The following TASP1 variants were observed in gnomAD, a reference collection of about 807,000 sequenced individuals.
TASP1 encodes taspase 1.
A neutral mutation model predicts 56.6 loss-of-function variants in TASP1; 16 were observed. The ratio of observed to expected loss-of-function variants is 0.28; its 90% CI spans 0.19 to 0.43. The LOEUF is 0.43. Among genes scored for constraint, TASP1 ranks in the 20% least tolerant of loss-of-function variants. TASP1 has a pLI of 1.00. For synonymous variants in TASP1, 179 were observed against 184.2 expected (o/e 0.97, Z 0.23); for missense variants, 393 against 511.6 (o/e 0.77, Z 2.24).
the TASP1 span, among the ~76,000 whole-genome samples, chr20:13,143,071 A>G: frequency 6.6e-6 from 1 of 152,222 alleles, no homozygotes; most frequent in Non-Finnish European, 1.5e-5. Flanking sequence ...ATTCTCTGTG[A>G]TCATCTGCTT....
the TASP1 span, among the ~76,000 whole-genome samples, chr20:13,367,994 T>C: frequency 6.6e-6 from 1 of 152,344 alleles, no homozygotes. Flanking sequence ...AGTTCTGCAA[T>C]ACATAAGCAA....
chr20:13,575,668 G>A (rs972123381), intron 6 of TASP1, among the ~76,000 whole-genome samples: 1 of 152,046 alleles, frequency 6.6e-6, no homozygotes, highest in Non-Finnish European at 1.5e-5. Flanking sequence ...GAAAAGAAAG[G>A]AACTTTCTCA....
chr20:13,124,418 T>G, the TASP1 span, among the ~76,000 whole-genome samples: 1 of 150,648 alleles, frequency 6.6e-6, no homozygotes, highest in Non-Finnish European at 1.5e-5. Flanking sequence ...AGAAACAGAT[T>G]TAAATAAAGA....
chr20:13,280,379 G>A, the TASP1 span, among the ~76,000 whole-genome samples: 4 of 131,422 alleles, frequency 3.0e-5, no homozygotes, highest in Non-Finnish European at 6.2e-5. Flanking sequence ...TGTGTCTCAG[G>A]TCTTCAAAGT....
the TASP1 span, among the ~76,000 whole-genome samples, chr20:13,305,189 G>A: frequency 1.7e-5 from 2 of 115,256 alleles, no homozygotes; most frequent in Non-Finnish European, 3.5e-5. Flanking sequence ...TTTTAATACC[G>A]TTGAGTTGTT....
At chr20:13,593,713 T>G (rs981577481) in intron 4 of TASP1, among the ~76,000 whole-genome samples, 1 of 152,094 alleles carries the variant, frequency 6.6e-6, no homozygotes, top group South Asian at 2.1e-4. Context: ...TCGAACTGGG[T>G]GGAGCCCACC....
chr20:13,263,121 A>C, the TASP1 span, among the ~76,000 whole-genome samples: 1 of 152,230 alleles, frequency 6.6e-6, no homozygotes, highest in East Asian at 1.9e-4. Flanking sequence ...AATAGTTCCT[A>C]AAGGGGCATT....
At chr20:13,459,489 T>C (rs1016119907) in intron 11 of TASP1, among the ~76,000 whole-genome samples, 1 of 152,140 alleles carries the variant, frequency 6.6e-6, no homozygotes, top group African/African-American at 2.4e-5. Context: ...AATTAAATCT[T>C]ACTCCATGCC....
At chr20:13,559,451 T>C (rs1357662290) in intron 7 of TASP1, among the ~76,000 whole-genome samples, 1 of 151,958 alleles carries the variant, frequency 6.6e-6, no homozygotes, top group Non-Finnish European at 1.5e-5. Flanking sequence ...CACAATGCAG[T>C]ATGAGAAAAC....
the TASP1 span, among the ~76,000 whole-genome samples, chr20:13,296,267 C>G: frequency 6.6e-6 from 1 of 152,128 alleles, no homozygotes; most frequent in East Asian, 1.9e-4. Context: ...TTCTCTGGAC[C>G]CGAGCCCAGC....
rs75414853 is a variant in TASP1, at chr20:13,496,851, A to G, written c.875-13514T>C. On this transcript the variant is annotated intron_variant, in intron 10 of 13. Transcript: ENST00000337743. ...GCTACAGTCATGGGTTTTTTAACGA[A>G]AATGCACAAATATCTCAATAAACCT... Among the ~76,000 whole-genome samples the G allele has an allele frequency of 8.5e-5, 13 of 152,300 alleles. No homozygotes were observed. The East Asian group carries it at 2.3e-3, about 27-fold the overall frequency.
chr20:13,230,092 G>A, the TASP1 span, among the ~76,000 whole-genome samples: 1 of 152,088 alleles, frequency 6.6e-6, no homozygotes, highest in Admixed American at 6.5e-5. Flanking sequence ...TAATCTTTGA[G>A]GTTTGGGGGC....
chr20:13,593,604 G>A (rs889184048), intron 4 of TASP1, among the ~76,000 whole-genome samples: 5 of 152,286 alleles, frequency 3.3e-5, no homozygotes, highest in East Asian at 1.9e-4. Flanking sequence ...CACTACTAGC[G>A]CAGCAGTCTG....
At chr20:13,536,075 G>A (rs894126247) in intron 8 of TASP1, among the ~76,000 whole-genome samples, 1 of 152,190 alleles carries the variant, frequency 6.6e-6, no homozygotes, top group South Asian at 2.1e-4. Flanking sequence ...GGGTAGAGAA[G>A]TGTTAGTTCC....
the TASP1 span, among the ~76,000 whole-genome samples, chr20:13,346,508 A>G: frequency 6.6e-6 from 1 of 152,210 alleles, no homozygotes; most frequent in African/African-American, 2.4e-5. Context: ...CTAACCCATT[A>G]GCGAAGCCAA....
intron 11 of TASP1, among the ~76,000 whole-genome samples, chr20:13,459,316 C>T (rs879267561): frequency 6.6e-6 from 1 of 152,146 alleles, no homozygotes; most frequent in African/African-American, 2.4e-5. Context: ...ACAGTGCATA[C>T]CTTCTGGTTC....
At chr20:13,315,103 G>C in the TASP1 span, among the ~76,000 whole-genome samples, 1 of 150,766 alleles carries the variant, frequency 6.6e-6, no homozygotes, top group Middle Eastern at 3.4e-3. Flanking sequence ...AACCACGAAA[G>C]GCAGAAAAAG....
intron 11 of TASP1, among the ~76,000 whole-genome samples, chr20:13,480,250 A>G (rs2043090345): frequency 6.6e-6 from 1 of 152,214 alleles, no homozygotes; most frequent in Admixed American, 6.5e-5. Context: ...AAACTGCTGA[A>G]GCAACTTGTT....
chr20:13,584,033 C>A (rs992384356), intron 5 of TASP1, among the ~76,000 whole-genome samples: 4 of 152,104 alleles, frequency 2.6e-5, no homozygotes, highest in African/African-American at 7.2e-5. Flanking sequence ...GAGCCAAGAT[C>A]GCACCACTGC....
Sources: allele counts gnomAD v4.1 joint callset (sites outside exome capture counted in the v4.1 genomes callset), GRCh38; gene constraint gnomAD v4.1.1; transcripts MANE v1.5; gene names NCBI Gene and HGNC (gene_info 2026-07-23, HGNC 2026-07-21).